PTPRR: variants seen among roughly 807,000 people sequenced by gnomAD.
PTPRR encodes receptor-type tyrosine-protein phosphatase R.
A neutral mutation model predicts 77.2 loss-of-function variants in PTPRR; 38 were observed. The ratio of observed to expected loss-of-function variants is 0.49; its 90% confidence interval spans 0.38 to 0.65. PTPRR has a LOEUF of 0.65. Among genes scored for constraint, PTPRR ranks in the 30% least tolerant of loss-of-function variants. The pLI is 0.00. For synonymous variants in PTPRR, 299 were observed against 283.1 expected (o/e 1.06, Z -0.57); for missense variants, 744 against 799.2 (o/e 0.93, Z 0.83).
chr12:70,803,290 C>T (rs1317356904), intron 2 of PTPRR, among the ~76,000 whole-genome samples: 1 of 152,088 alleles, frequency 6.6e-6, no homozygotes, highest in Non-Finnish European at 1.5e-5. Context: ...CCAGTAGAGT[C>T]CAGGGGCCAG....
At chr12:70,894,624 A>G (rs1020504695) in intron 1 of PTPRR, among the ~76,000 whole-genome samples, 1 of 151,726 alleles carries the variant, frequency 6.6e-6, no homozygotes, top group Non-Finnish European at 1.5e-5. Flanking sequence ...TAATAAATAC[A>G]CACCTTGTGG....
chr12:70,755,369 A>G (rs1336171160), intron 4 of PTPRR, among the ~76,000 whole-genome samples: 2 of 152,148 alleles, frequency 1.3e-5, no homozygotes, highest in African/African-American at 4.8e-5. Flanking sequence ...CTTTGAAATC[A>G]TTGCTAATTT....
chr12:70,717,964 T>G (rs1049805513), intron 6 of PTPRR, among the ~76,000 whole-genome samples: 1 of 152,222 alleles, frequency 6.6e-6, no homozygotes, highest in African/African-American at 2.4e-5. Flanking sequence ...GTAATTTTCC[T>G]GTAATAATGC....
intron 2 of PTPRR, among the ~76,000 whole-genome samples, chr12:70,850,511 G>A (rs11829104): frequency 0.015 from 2,211 of 152,188 alleles, 58 homozygotes; most frequent in African/African-American, 0.05. Flanking sequence ...TCCCATCACC[G>A]ATTTCTATAT....
intron 5 of PTPRR, among the ~76,000 whole-genome samples, chr12:70,752,561 G>T (rs1008846815): frequency 6.6e-6 from 1 of 152,140 alleles, no homozygotes; most frequent in Admixed American, 6.5e-5. Flanking sequence ...TTAATAGCAA[G>T]CTCTGCTCTG....
intron 4 of PTPRR, 52 bp downstream of exon 4, chr12:70,761,419 A>C (rs909449867): frequency 5.1e-5 from 73 of 1,425,854 alleles, no homozygotes; most frequent in Non-Finnish European, 6.3e-5. Context: ...GAATTACCAT[A>C]GCATGCTAAC....
intron 6 of PTPRR, among the ~76,000 whole-genome samples, chr12:70,728,922 A>T (rs73341021): frequency 1.3e-3 from 202 of 152,182 alleles, no homozygotes; most frequent in African/African-American, 3.9e-3. Flanking sequence ...GCCAAAAATG[A>T]AACTGATTTT....
At chr12:70,685,510 C>T (rs1887832073) in intron 8 of PTPRR, among the ~76,000 whole-genome samples, 1 of 139,286 alleles carries the variant, frequency 7.2e-6, no homozygotes. Context: ...ATTAGCCAGG[C>T]ATGGTGGCTT....
At chr12:70,865,027 C>A (rs915195516) in intron 2 of PTPRR, among the ~76,000 whole-genome samples, 3 of 152,120 alleles carry the variant, frequency 2.0e-5, no homozygotes, top group Non-Finnish European at 4.4e-5. Flanking sequence ...GTTGGTCAGG[C>A]TGGTCTCGAA....
intron 2 of PTPRR, among the ~76,000 whole-genome samples, chr12:70,826,303 C>T (rs1029554146): frequency 2.6e-5 from 4 of 151,840 alleles, no homozygotes; most frequent in South Asian, 2.1e-4. Flanking sequence ...GCAAATGGAA[C>T]GGTGATAGTG....
chr12:70,684,393 T>C, intron 9 of PTPRR, 129 bp from the exon 10 acceptor site: 3 of 966,096 alleles, frequency 3.1e-6, no homozygotes, highest in Non-Finnish European at 4.6e-6. Flanking sequence ...CTTCACTGAC[T>C]CTAGTACAAC....
chr12:70,908,046 T>A (rs1460406629), intron 1 of PTPRR, among the ~76,000 whole-genome samples: 1 of 152,198 alleles, frequency 6.6e-6, no homozygotes, highest in Non-Finnish European at 1.5e-5. Flanking sequence ...AATATAATTG[T>A]TTTCAAATAA....
chr12:70,668,770 A>G (rs1309215032), intron 10 of PTPRR, among the ~76,000 whole-genome samples: 1 of 152,176 alleles, frequency 6.6e-6, no homozygotes, highest in East Asian at 1.9e-4. Context: ...GTACTCCATT[A>G]ATGTATACTT....
chr12:70,830,389 A>T (rs953085650), intron 2 of PTPRR, among the ~76,000 whole-genome samples: 3 of 152,162 alleles, frequency 2.0e-5, no homozygotes, highest in African/African-American at 7.2e-5. Context: ...CATAATAGGC[A>T]CTCAATAAAT....
At chr12:70,752,368 C>A (rs1327782302) in intron 5 of PTPRR, among the ~76,000 whole-genome samples, 1 of 152,124 alleles carries the variant, frequency 6.6e-6, no homozygotes, top group African/African-American at 2.4e-5. Context: ...AAGTTTCTGA[C>A]CTTTACATTG....
At chr12:70,650,029 G>A (rs1318552267) in intron 13 of PTPRR, among the ~76,000 whole-genome samples, 3 of 152,180 alleles carry the variant, frequency 2.0e-5, no homozygotes, top group African/African-American at 7.2e-5. Flanking sequence ...TTCATCTGTG[G>A]TCAAATAAAT....
intron 2 of PTPRR, among the ~76,000 whole-genome samples, chr12:70,791,536 T>C (rs1891422014): frequency 6.6e-6 from 1 of 152,200 alleles, no homozygotes; most frequent in African/African-American, 2.4e-5. Flanking sequence ...TTATATTCTG[T>C]TCCTATTAGA....
intron 13 of PTPRR, among the ~76,000 whole-genome samples, chr12:70,651,474 A>C (rs1886391842): frequency 6.6e-6 from 1 of 152,214 alleles, no homozygotes; most frequent in African/African-American, 2.4e-5. Context: ...ATATTTTAAG[A>C]AGCAGCAATG....
At chr12:70,801,971 G>A (rs1475961793) in intron 2 of PTPRR, among the ~76,000 whole-genome samples, 1 of 152,160 alleles carries the variant, frequency 6.6e-6, no homozygotes, top group Non-Finnish European at 1.5e-5. Context: ...AAAACAGATG[G>A]TGCAGGGGTG....
Sources: allele counts gnomAD v4.1 joint callset (sites outside exome capture counted in the v4.1 genomes callset), GRCh38; gene constraint gnomAD v4.1.1; transcripts MANE v1.5; gene names NCBI Gene and HGNC (gene_info 2026-07-23, HGNC 2026-07-21).